The following VPS26C variants were observed in gnomAD, a reference collection of about 807,000 sequenced individuals.
The protein encoded by VPS26C is VPS26 endosomal protein sorting factor C, also known as vacuolar protein sorting-associated protein 26C.
In VPS26C, 19 loss-of-function variants were observed where a neutral mutation model predicts 30.6. The observed-to-expected ratio is 0.62, with a 90% CI of 0.43 to 0.91. The LOEUF is 0.91. Among genes scored for constraint, VPS26C ranks in the 40% least tolerant of loss-of-function variants. VPS26C has a pLI of 0.00. For missense variants in VPS26C, 318 were observed against 385.1 expected (o/e 0.83, Z 1.46); for synonymous variants, 132 against 151.5 (o/e 0.87, Z 0.95).
At chr21:37,229,301 A>T (rs1455823211) in intron 5 of VPS26C, 1 of 152,016 alleles carries the variant, frequency 6.6e-6, no homozygotes, top group Non-Finnish European at 1.5e-5. Flanking sequence ...TGATGAGCTA[A>T]AAAAAAATCA....
chr21:37,245,859 A>G (rs928365954), intron 1 of VPS26C, among the ~76,000 whole-genome samples: 1 of 152,208 alleles, frequency 6.6e-6, no homozygotes, highest in Non-Finnish European at 1.5e-5. Context: ...GGAAATGGTG[A>G]GGCAAAAGGA....
intron 1 of VPS26C, among the ~76,000 whole-genome samples, chr21:37,241,108 C>A (rs1215202460): frequency 6.6e-6 from 1 of 152,222 alleles, no homozygotes; most frequent in African/African-American, 2.4e-5. Context: ...ACTGCAAATG[C>A]ATGAGTAATT....
In VPS26C at chr21:37,238,520, C is replaced by A; in HGVS notation, c.291G>T (p.Leu97=). ...ACAGAACTTTGTTACCCTTCAAGTG[C>A]AGAGGAAATTCAAAAGGGATTTCTG... ...GKTEIPFEFP[L]HLKGNKVLYE... is the part of the protein sequence containing the mutation. The change falls in exon 3 of 8, where the codon CTG becomes CTT. Residue 97 remains leucine, a synonymous_variant. Coordinates refer to ENST00000309117, the MANE Select transcript of VPS26C (RefSeq NM_006052.2). 6.2e-7 allele frequency: 1 copy of A among 1,614,182 alleles called. No individual in the cohort carries two copies. The highest frequency in any genetic ancestry group is 1.1e-5 in the South Asian group (1 of 91,078).
chr21:37,258,212 A>G (rs529370069), intron 1 of VPS26C, among the ~76,000 whole-genome samples: 17 of 152,346 alleles, frequency 1.1e-4, no homozygotes, highest in Non-Finnish European at 2.1e-4. Context: ...GTCCGGCAGC[A>G]GCACCGATTG....
chr21:37,261,181 T>G (rs1051893134), intron 1 of VPS26C: 13 of 152,270 alleles, frequency 8.5e-5, no homozygotes, highest in African/African-American at 3.1e-4. Flanking sequence ...AAAATGTGTT[T>G]GTAAACTATT....
chr21:37,225,263 A>G lies in VPS26C; in HGVS notation c.*281T>C, dbSNP rs2085887005. ...TACTGTACCTAAAAAGGAACAGATA[A>G]GGCAAGAGCCACAGTCAATGTTTTC... is the stretch of plus-strand genomic sequence containing the variant. On this transcript the variant is annotated 3_prime_UTR_variant, in exon 8 of 8. Coordinates refer to ENST00000309117, the MANE Select transcript of VPS26C (RefSeq NM_006052.2). 1 of 473,472 alleles carries G rather than the reference A, an allele frequency of 2.1e-6. No homozygotes were observed. The highest frequency in any genetic ancestry group is 3.5e-5 in the East Asian group (1 of 28,432). 29.3% of individuals were successfully genotyped at this position (473,472 alleles called of 1,614,324 possible).
chr21:37,232,730 G>C, intron 4 of VPS26C: 1 of 530,546 alleles, frequency 1.9e-6, no homozygotes, highest in South Asian at 2.1e-5. Flanking sequence ...AAACAGAACA[G>C]TGTTATTGGC....
chr21:37,241,622 A>C (rs980331515), intron 1 of VPS26C, among the ~76,000 whole-genome samples: 3 of 152,198 alleles, frequency 2.0e-5, no homozygotes, highest in African/African-American at 7.2e-5. Context: ...GTTTGAGACC[A>C]GCCTGGGTAA....
chr21:37,267,306 C>A lies in VPS26C; in HGVS notation c.-12G>T, dbSNP rs372683532. On this transcript the variant is annotated 5_prime_UTR_variant, in exon 1 of 8. Transcript: ENST00000309117. ...AGGGCGGTCCCCATCTCCAATTCTC[C>A]GCAGCAGCCGCCACTTCCGGCTGCG... is the stretch of plus-strand genomic sequence containing the variant. 1.9e-6 allele frequency: 3 copies of A among 1,607,694 alleles called. No individual in the cohort carries two copies. Among genetic ancestry groups the A allele is most frequent in the Non-Finnish European group, 2.6e-6 (3 of 1,176,006 alleles).
At chr21:37,248,713 TAA>T (rs558050794) in intron 1 of VPS26C, among the ~76,000 whole-genome samples, 22 of 98,060 alleles carry the variant, frequency 2.2e-4, no homozygotes, top group Admixed American at 1.0e-3. Context: ...GCAACGAACT[TAA>T]AAAAAAAAAA....
intron 1 of VPS26C, among the ~76,000 whole-genome samples, chr21:37,263,064 T>C (rs2086321797): frequency 6.6e-6 from 1 of 152,122 alleles, no homozygotes; most frequent in African/African-American, 2.4e-5. Context: ...CGCACCCAGC[T>C]GGGATATTAC....
chr21:37,266,546 A>G (rs922352961), intron 1 of VPS26C, among the ~76,000 whole-genome samples: 6 of 152,220 alleles, frequency 3.9e-5, no homozygotes, highest in African/African-American at 1.4e-4. Flanking sequence ...TCCCCGAGTT[A>G]GAGGAACCTT....
chr21:37,230,395 T>C (rs1437496493), intron 5 of VPS26C: 2 of 152,252 alleles, frequency 1.3e-5, no homozygotes, highest in Non-Finnish European at 2.9e-5. Context: ...TCCAGCCTAG[T>C]AGTTCCTGTA....
intron 3 of VPS26C, among the ~76,000 whole-genome samples, chr21:37,234,419 T>G (rs1848580532): frequency 6.6e-6 from 1 of 152,220 alleles, no homozygotes; most frequent in South Asian, 2.1e-4. Flanking sequence ...GTGAGCTCTA[T>G]TCCCCCAAGG....
chr21:37,245,909 G>C (rs1306330963), intron 1 of VPS26C, among the ~76,000 whole-genome samples: 1 of 151,852 alleles, frequency 6.6e-6, no homozygotes, highest in Non-Finnish European at 1.5e-5. Flanking sequence ...AGAAGTAAAA[G>C]GAAAAAATCA....
intron 5 of VPS26C, chr21:37,231,678 T>A (rs746113486): frequency 1.3e-5 from 2 of 152,648 alleles, no homozygotes; most frequent in Non-Finnish European, 2.9e-5. Flanking sequence ...CTCCACTGTT[T>A]AGGAGAAATG....
At chr21:37,254,590 CA>C (rs1271748976) in intron 1 of VPS26C, among the ~76,000 whole-genome samples, 1 of 152,122 alleles carries the variant, frequency 6.6e-6, no homozygotes, top group Non-Finnish European at 1.5e-5. Flanking sequence ...GCAGGGGAAT[CA>C]CCTAAGGTCA....
At chr21:37,250,937 C>A (rs2086187256) in intron 1 of VPS26C, among the ~76,000 whole-genome samples, 2 of 137,268 alleles carry the variant, frequency 1.5e-5, no homozygotes, top group African/African-American at 2.7e-5. Flanking sequence ...AAAAAGATAA[C>A]TCAGAAGAAA....
At chr21:37,234,411 G>A (rs539350765) in intron 3 of VPS26C, among the ~76,000 whole-genome samples, 5 of 152,332 alleles carry the variant, frequency 3.3e-5, no homozygotes, top group Admixed American at 6.5e-5. Context: ...ACTGCAAGGT[G>A]AGCTCTATTC....
Sources: allele counts gnomAD v4.1 joint callset (sites outside exome capture counted in the v4.1 genomes callset), GRCh38; gene constraint gnomAD v4.1.1; transcripts MANE v1.5; gene names NCBI Gene and HGNC (gene_info 2026-07-23, HGNC 2026-07-21).